The following SPEN variants were observed in gnomAD, a reference collection of about 807,000 sequenced individuals.
The protein encoded by SPEN is msx2-interacting protein.
SPEN carries 18 observed loss-of-function variants against 269.9 expected under a neutral mutation model. That is an observed-to-expected ratio of 0.07 (90% CI 0.05 to 0.10). The LOEUF (loss-of-function observed/expected upper bound fraction) is 0.10. SPEN is among the 10% of genes least tolerant of loss of function. The probability of loss-of-function intolerance (pLI) is 1.00; values close to 1 mark genes in which losing one functional copy is unlikely to be tolerated. For synonymous variants in SPEN, 1,726 were observed against 1,765.7 expected (o/e 0.98, Z 0.56); for missense variants, 3,822 against 4,631.2 (o/e 0.83, Z 5.07).
In SPEN at chr1:15,930,676, A is replaced by G. The variant is rs1298693296; in HGVS notation, c.4436A>G (p.Asp1479Gly). The G allele has an allele frequency of 6.2e-7, 1 of 1,614,198 alleles. No homozygotes were observed. Among genetic ancestry groups the G allele is most frequent in the Middle Eastern group, 1.6e-4 (1 of 6,062 alleles). The change falls in exon 11 of 15, where the codon GAT (aspartate) becomes GGT (glycine). Residue 1479 changes from aspartate (D) to glycine (G), a missense_variant. Asp to Gly is a moderately conservative substitution (Grantham distance 94, BLOSUM62 -1). This residue lies in a region of SPEN where 267 missense variants were observed against 315.5 expected (regional missense o/e 0.85). Coordinates refer to ENST00000375759, the MANE Select transcript of SPEN (RefSeq NM_015001.3). The surrounding 1 kb of genome is among the most constrained non-coding windows in gnomAD (Gnocchi z 5.3). ...SRFANFRNNK[D>G]KEKVDSAPRP... ...TTTGCAAATTTTCGAAACAACAAAG[A>G]TAAAGAAAAGGTTGACTCTGCTCCA...
At chr1:15,882,697 T>C (rs2070698060) in intron 3 of SPEN, among the ~76,000 whole-genome samples, 2 of 152,164 alleles carry the variant, frequency 1.3e-5, no homozygotes, top group African/African-American at 2.4e-5. Flanking sequence ...AGCCGAGGAA[T>C]GCACAGGTAC....
chr1:15,885,373 A>G (rs1484699400), intron 3 of SPEN, among the ~76,000 whole-genome samples: 1 of 152,224 alleles, frequency 6.6e-6, no homozygotes, highest in Non-Finnish European at 1.5e-5. Context: ...TGTTATGATT[A>G]AAACATATTC....
chr1:15,899,605 C>T (rs574758525), intron 3 of SPEN, among the ~76,000 whole-genome samples: 2 of 137,380 alleles, frequency 1.5e-5, no homozygotes, highest in Admixed American at 7.9e-5. Flanking sequence ...CTCCTGGGCT[C>T]ATGCTGTCCT....
At chr1:15,897,636 ACAGGCGTGGGCCAC>A (rs2070855560) in intron 3 of SPEN, among the ~76,000 whole-genome samples, 1 of 152,046 alleles carries the variant, frequency 6.6e-6, no homozygotes, top group African/African-American at 2.4e-5. Flanking sequence ...TGCTGGGATT[ACAGGCGTGGGCCAC>A]CACGCCTGGC....
intron 3 of SPEN, among the ~76,000 whole-genome samples, chr1:15,886,767 G>A (rs948529451): frequency 6.6e-6 from 1 of 152,176 alleles, no homozygotes; most frequent in Admixed American, 6.6e-5. Flanking sequence ...GTGACAAGGA[G>A]TTTATTACCA....
At chr1:15,936,507 G>A (rs191235840) in intron 11 of SPEN, among the ~76,000 whole-genome samples, 13 of 152,154 alleles carry the variant, frequency 8.5e-5, no homozygotes, top group African/African-American at 2.4e-4. Flanking sequence ...AAATTAGCCA[G>A]GTGTGGTGGC....
rs774145253 is a variant in SPEN at position 15,935,647 on chromosome 1, G to A, written c.9407G>A (p.Arg3136His). The A allele has an allele frequency of 1.5e-5, 25 of 1,614,026 alleles. No individual in the cohort carries two copies. The East Asian group carries it at 2.5e-4, about 16-fold the overall frequency. The change falls in exon 11 of 15, where the codon CGT becomes CAT. Residue 3136 changes from arginine (R) to histidine (H), a missense_variant. Physicochemically the swap from Arg to His is conservative, Grantham distance 29. This residue lies in a region of SPEN where 153 missense variants were observed against 228.5 expected (regional missense o/e 0.67). Transcript: ENST00000375759. The surrounding 1 kb of genome is among the most constrained non-coding windows in gnomAD (Gnocchi z 7.7). ...CAAATAGAGGTCAGGGCCCCACAGC[G>A]TGCCAGCACCCCGCAGCCAGCCCCA... ...PQQIEVRAPQ[R>H]ASTPQPAPAG...
chr1:15,899,907 G>A (rs1039432053), intron 3 of SPEN, among the ~76,000 whole-genome samples: 3 of 151,838 alleles, frequency 2.0e-5, no homozygotes, highest in Middle Eastern at 3.2e-3. Flanking sequence ...GTGTAATGGC[G>A]CTATCTCGGC....
intron 5 of SPEN, among the ~76,000 whole-genome samples, chr1:15,914,939 C>G (rs763936123): frequency 1.3e-5 from 2 of 152,122 alleles, no homozygotes; most frequent in Non-Finnish European, 2.9e-5. Flanking sequence ...TTCATAGTTA[C>G]TCTTATATCT....
Position 15,930,903 on chromosome 1 carries a change from T to C in SPEN, c.4663T>C (p.Phe1555Leu), listed in dbSNP as rs559478484. Reference sequence around the variant, plus strand: ...AGAGAGAAAAGAGGAAGATTCTGACTTCATTTCTGGTAGGATCTATGGGAA... The same window carrying C: ...AGAGAGAAAAGAGGAAGATTCTGACCTCATTTCTGGTAGGATCTATGGGAA... Reference protein sequence around the residue: ...HLERKEEDSDFISGRIYGKQT... With the variant: ...HLERKEEDSDLISGRIYGKQT... Residue 1555 changes from phenylalanine (F) to leucine (L), a missense_variant, in exon 11 of 15, where the codon TTC becomes CTC. Transcript: ENST00000375759. The surrounding 1 kb of genome is among the most constrained non-coding windows in gnomAD (Gnocchi z 5.3). 2.5e-6 allele frequency: 4 copies of C among 1,613,980 alleles called. No homozygotes were observed. The Admixed American group carries it at 5.0e-5, about 20-fold the overall frequency.
Position 15,876,375 on chromosome 1 carries a change from G to T in SPEN, c.578G>T (p.Arg193Leu), listed in dbSNP as rs201524171. The T allele has an allele frequency of 2.5e-6, 4 of 1,614,036 alleles. No individual in the cohort carries two copies. The highest frequency in any genetic ancestry group is 2.2e-5 in the South Asian group (2 of 91,060). The change falls in exon 3 of 15, where the codon CGC becomes CTC. Residue 193 changes from arginine (R) to leucine (L), a missense_variant. Around this residue, in one of 16 missense-constraint regions of SPEN, gnomAD observed 327 missense variants for 350.8 expected, o/e 0.93. Transcript: ENST00000375759. ...GCTTCTCGGAGTCGAAGTCCAAATC[G>T]CTTTGATGCTCATGACCCCCGATAT... Reference protein sequence around the residue: ...YYASRSRSPNRFDAHDPRYEP... With the variant: ...YYASRSRSPNLFDAHDPRYEP...
At chr1:15,860,245 G>C (rs2070431364) in intron 1 of SPEN, among the ~76,000 whole-genome samples, 2 of 151,720 alleles carry the variant, frequency 1.3e-5, no homozygotes, top group Non-Finnish European at 2.9e-5. Flanking sequence ...TTCAGTGACT[G>C]TTTTTCTTTT....
rs778054945 is a variant in SPEN, at chr1:15,937,467, C to T, written c.10331C>T (p.Pro3444Leu). The T allele has an allele frequency of 1.9e-6, 3 of 1,613,988 alleles. No individual in the cohort carries two copies. Among genetic ancestry groups the T allele is most frequent in the Non-Finnish European group, 2.5e-6 (3 of 1,180,036 alleles). The change falls in exon 12 of 15, where the codon CCA becomes CTA. Residue 3444 changes from proline (P) to leucine (L), a missense_variant. Physicochemically the swap from Pro to Leu is moderately conservative, Grantham distance 98. Coordinates refer to ENST00000375759, the MANE Select transcript of SPEN (RefSeq NM_015001.3). This position sits in a 1 kb window ranked among gnomAD's most constrained non-coding sequence, Gnocchi z 5.7. The stretch of plus-strand genomic sequence containing the variant: ...TCTGTCTCCATGAAGCCTGACCTTC[C>T]AGTCTCTCTTCCCACTCAGACTGCC... The part of the protein sequence containing the change: ...PVSVSMKPDL[P>L]VSLPTQTAPK...
At chr1:15,854,485 G>C (rs1291903319) in intron 1 of SPEN, among the ~76,000 whole-genome samples, 1 of 151,338 alleles carries the variant, frequency 6.6e-6, no homozygotes, top group Non-Finnish European at 1.5e-5. Flanking sequence ...AAAGCATGTA[G>C]TTTTTTTTTG....
Position 15,933,142 on chromosome 1 carries a change from C to T in SPEN, c.6902C>T (p.Ala2301Val). The stretch of plus-strand genomic sequence containing the variant: ...GCCGGCCCAACAGATACCAAGGAAG[C>T]CAGAGGAAATAGCAGTGAAACCTCA... ...PSAGPTDTKE[A>V]RGNSSETSHS... The change falls in exon 11 of 15, where the codon GCC (alanine) becomes GTC (valine). Residue 2301 changes from alanine to valine, a missense_variant. This residue lies in a region of SPEN where 727 missense variants were observed against 737.9 expected (regional missense o/e 0.99). Transcript: ENST00000375759. The surrounding 1 kb of genome is among the most constrained non-coding windows in gnomAD (Gnocchi z 5.7). 6.2e-7 allele frequency: 1 copy of T among 1,614,100 alleles called. No individual in the cohort carries two copies. Among genetic ancestry groups the T allele is most frequent in the Non-Finnish European group, 8.5e-7 (1 of 1,180,032 alleles).
In SPEN at chr1:15,930,604, CTT is replaced by C. The variant is rs1346327167; in HGVS notation, c.4365_4366del (p.Ser1456IlefsTer3). The stretch of plus-strand genomic sequence containing the variant: ...TTGCTTGAAAGAGCTAAATCCCTCT[CTT>C]CATCTCGTGAAGAAAATTGGTCTTT... On this transcript the variant is annotated frameshift_variant, in exon 11 of 15. Coordinates refer to ENST00000375759, the MANE Select transcript of SPEN (RefSeq NM_015001.3). LOFTEE classifies it high-confidence loss of function. This position sits in a 1 kb window ranked among gnomAD's most constrained non-coding sequence, Gnocchi z 5.3. The C allele has an allele frequency of 6.2e-7, 1 of 1,614,168 alleles. No individual in the cohort carries two copies. The highest frequency in any genetic ancestry group is 8.5e-7 in the Non-Finnish European group (1 of 1,180,022).
At chr1:15,867,921 C>T in intron 1 of SPEN, among the ~76,000 whole-genome samples, 1 of 152,060 alleles carries the variant, frequency 6.6e-6, no homozygotes, top group East Asian at 1.9e-4. Flanking sequence ...GCAACTTCCG[C>T]CTCCTGGGAT....
rs140025266 is a variant in SPEN, at chr1:15,934,638, G to A, written c.8398G>A (p.Ala2800Thr). The part of the protein sequence containing the change: ...MPVIDDRPAD[A>T]GSGAGLRVNT... The stretch of plus-strand genomic sequence containing the variant: ...TGTGATCGACGATCGTCCGGCAGAC[G>A]CGGGCTCAGGGGCGGGGCTGCGTGT... The change falls in exon 11 of 15, where the codon GCG becomes ACG. Residue 2800 changes from alanine (A) to threonine (T), a missense_variant. Transcript: ENST00000375759. The surrounding 1 kb of genome is among the most constrained non-coding windows in gnomAD (Gnocchi z 9.2). 37 of 1,613,940 alleles carry A rather than the reference G, an allele frequency of 2.3e-5. No homozygotes were observed. The Middle Eastern group carries it at 4.9e-4, about 22-fold the overall frequency.
At chr1:15,883,515 G>T (rs565357264) in intron 3 of SPEN, among the ~76,000 whole-genome samples, 3 of 151,518 alleles carry the variant, frequency 2.0e-5, no homozygotes, top group Admixed American at 6.6e-5. Context: ...TCCACCTCCC[G>T]GGTGGAGCAA....
Sources: gnomAD v4.1 joint callset for allele counts (sites outside exome capture counted in the v4.1 genomes callset) on GRCh38, gnomAD v4.1.1 for gene constraint, gnomAD v4.1.1 regional missense constraint, Gnocchi (gnomAD v3.1) non-coding constraint, MANE v1.5 for transcripts, NCBI Gene and HGNC (gene_info 2026-07-23, HGNC 2026-07-21) for gene names.